SACS: variants seen among roughly 807,000 people sequenced by gnomAD.
SACS encodes sacsin molecular chaperone.
SACS carries 197 observed loss-of-function variants against 348.0 expected under a neutral mutation model. That is an observed-to-expected ratio of 0.57 (90% CI 0.50 to 0.64). The LOEUF (loss-of-function observed/expected upper bound fraction) is 0.64. SACS is among the 30% of genes least tolerant of loss of function. The pLI is 0.00. For missense variants in SACS, 4,999 were observed against 5,360.8 expected (o/e 0.93, Z 2.11); for synonymous variants, 1,985 against 1,910.6 (o/e 1.04, Z -1.02).
Position 23,338,283 on chromosome 13 carries a change from G to A in SACS, c.5593C>T (p.Pro1865Ser). 1.2e-6 allele frequency: 2 copies of A among 1,614,086 alleles called. No homozygotes were observed. The highest frequency in any genetic ancestry group is 2.2e-5 in the East Asian group (1 of 44,888). ...EIQDQKWTVK[P>S]HIGEVFCYLP... The stretch of plus-strand genomic sequence containing the variant: ...TAGCAAAACACCTCTCCAATGTGTG[G>A]TTTCACTGTCCACTTCTGGTCCTGG... The change falls in exon 10 of 10, where the codon CCA becomes TCA. Residue 1865 changes from proline (P) to serine (S), a missense_variant. Physicochemically the swap from Pro to Ser is moderately conservative, Grantham distance 74. This residue lies in a region of SACS where 3,156 missense variants were observed against 3,380.1 expected (regional missense o/e 0.93). Coordinates refer to ENST00000382292, the MANE Select transcript of SACS (RefSeq NM_014363.6).
intron 2 of SACS, among the ~76,000 whole-genome samples, chr13:23,408,604 C>T (rs546147765): frequency 1.3e-5 from 2 of 152,288 alleles, no homozygotes; most frequent in South Asian, 4.1e-4. Flanking sequence ...TCTGAGCATG[C>T]CCCCACCACC....
At chr13:23,371,280 T>G in intron 3 of SACS, 115 bp from the exon 4 acceptor site, 1 of 475,150 alleles carries the variant, frequency 2.1e-6, no homozygotes, top group African/African-American at 2.0e-5. Flanking sequence ...CTTCTTATCA[T>G]GAAGGAAGTT....
rs200350631 is a variant in SACS, at chr13:23,340,108, G to A, written c.3768C>T (p.Tyr1256=). 2.0e-5 allele frequency: 33 copies of A among 1,613,652 alleles called. No homozygotes were observed. The highest frequency in any genetic ancestry group is 8.8e-5 in the South Asian group (8 of 90,986). ...YQFQHILLEI[Y]GFMHDHLNEG... The stretch of plus-strand genomic sequence containing the variant: ...CATTTAGATGATCATGCATGAATCC[G>A]TAAATCTCAAGCAAAATATGCTGGA... Residue 1256 remains tyrosine, a synonymous_variant, in exon 10 of 10, where the codon TAC becomes TAT. Transcript: ENST00000382292.
intron 2 of SACS, among the ~76,000 whole-genome samples, chr13:23,389,170 GTA>G (rs1017779346): frequency 4.6e-5 from 7 of 150,858 alleles, no homozygotes; most frequent in Admixed American, 2.0e-4. Context: ...ATATGTGTGT[GTA>G]TATATATATG....
intron 9 of SACS, among the ~76,000 whole-genome samples, chr13:23,347,811 T>G (rs1869704861): frequency 6.6e-6 from 1 of 152,134 alleles, no homozygotes; most frequent in South Asian, 2.1e-4. Flanking sequence ...GTATCACACC[T>G]GAGGGAGGGA....
chr13:23,359,852 CT>C (rs1457682902), intron 6 of SACS, among the ~76,000 whole-genome samples: 7 of 152,166 alleles, frequency 4.6e-5, no homozygotes, highest in African/African-American at 1.4e-4. Context: ...CCAGAAGCCT[CT>C]CCTCATCCTC....
rs200991790 is a variant in SACS at position 23,333,578 on chromosome 13, G to T, written c.10298C>A (p.Thr3433Lys). ...IGKFGTCYVL[T>K]KSIPSAEVEK... Reference sequence around the variant, plus strand: ...CACTTCAGCTGAAGGGATACTTTTTGTAAGTACGTAGCATGTTCCAAATTT... The same window carrying T: ...CACTTCAGCTGAAGGGATACTTTTTTTAAGTACGTAGCATGTTCCAAATTT... Residue 3433 changes from threonine (T) to lysine (K), a missense_variant, in exon 10 of 10, where the codon ACA becomes AAA. Transcript: ENST00000382292. The T allele has an allele frequency of 6.2e-7, 1 of 1,613,642 alleles. No homozygotes were observed. Among genetic ancestry groups the T allele is most frequent in the East Asian group, 2.2e-5 (1 of 44,868 alleles).
chr13:23,405,844 T>C (rs9510724), intron 2 of SACS, among the ~76,000 whole-genome samples: 13,544 of 152,200 alleles, frequency 0.089, 666 homozygotes, highest in East Asian at 0.13. Flanking sequence ...TGAGATACTG[T>C]CTCATGCCAG....
Position 23,368,420 on chromosome 13 carries a change from T to C in SACS, c.327A>G (p.Glu109=), listed in dbSNP as rs1285304667. 2.5e-6 allele frequency: 4 copies of C among 1,612,312 alleles called. No homozygotes were observed. Among genetic ancestry groups the C allele is most frequent in the Non-Finnish European group, 3.4e-6 (4 of 1,178,896 alleles). The change falls in exon 5 of 10, where the codon GAA becomes GAG. Residue 109 remains glutamate (E), a synonymous_variant. Transcript: ENST00000382292. ...GCCCCACCTTAAGAATCTGTCCTCC[T>C]TCTGGATATCTTCTCAAAATGTCCT... ...FLKDILRRYP[E]GGQILKELIQ...
In SACS at chr13:23,337,161, T is replaced by C; in HGVS notation, c.6715A>G (p.Met2239Val). The C allele has an allele frequency of 1.2e-6, 2 of 1,614,032 alleles. No individual in the cohort carries two copies. The highest frequency in any genetic ancestry group is 1.7e-6 in the Non-Finnish European group (2 of 1,179,912). The change falls in exon 10 of 10, where the codon ATG (methionine) becomes GTG (valine). Residue 2239 changes from methionine (M) to valine (V), a missense_variant. Around this residue, in one of 6 missense-constraint regions of SACS, gnomAD observed 3,156 missense variants for 3,380.1 expected, o/e 0.93. Transcript: ENST00000382292. Reference sequence around the variant, plus strand: ...GTATAAAGGTCAGTTGCTGCAAACATGGTTTCAGGCTTAAAACTGTTGCCT... The same window carrying C: ...GTATAAAGGTCAGTTGCTGCAAACACGGTTTCAGGCTTAAAACTGTTGCCT... ...WKGNSFKPET[M>V]FAATDLYTAE...
intron 2 of SACS, among the ~76,000 whole-genome samples, chr13:23,401,149 C>T (rs1415063817): frequency 2.0e-5 from 3 of 151,956 alleles, no homozygotes; most frequent in Non-Finnish European, 2.9e-5. Flanking sequence ...TTCTAGTTAC[C>T]GTTTTAAAAT....
At chr13:23,389,248 G>A (rs1593168391) in intron 2 of SACS, among the ~76,000 whole-genome samples, 2 of 152,006 alleles carry the variant, frequency 1.3e-5, no homozygotes. Context: ...GTTACAGGAA[G>A]GCTTTAAATA....
At position 23,356,007 on chromosome 13, in the gene SACS, T is replaced by C. The variant is rs777554091; in HGVS notation, c.605A>G (p.Asp202Gly). The change falls in exon 8 of 10, where the codon GAT becomes GGT. Residue 202 changes from aspartate to glycine, a missense_variant and splice_region_variant. Physicochemically the swap from Asp to Gly is moderately conservative, Grantham distance 94. Around this residue, in one of 6 missense-constraint regions of SACS, gnomAD observed 3,156 missense variants for 3,380.1 expected, o/e 0.93. Transcript: ENST00000382292. Reference sequence around the variant, plus strand: ...GTCACCACTAAAGATACAAGGAACATCTGTAAAGAAAAATTTAAGTCATGA... The same window carrying C: ...GTCACCACTAAAGATACAAGGAACACCTGTAAAGAAAAATTTAAGTCATGA... Reference protein sequence around the residue: ...IGFNSVYHITDVPCIFSGDQI... With the variant: ...IGFNSVYHITGVPCIFSGDQI... 3 of 1,611,918 alleles carry C rather than the reference T, an allele frequency of 1.9e-6. No homozygotes were observed. Among genetic ancestry groups the C allele is most frequent in the South Asian group, 1.1e-5 (1 of 90,822 alleles).
Position 23,332,774 on chromosome 13 carries a change from CA to C in SACS, c.11101del (p.Trp3701GlyfsTer14). The C allele has an allele frequency of 6.2e-7, 1 of 1,613,952 alleles. No individual in the cohort carries two copies. The highest frequency in any genetic ancestry group is 8.5e-7 in the Non-Finnish European group (1 of 1,179,966). On this transcript the variant is annotated frameshift_variant, in exon 10 of 10. Coordinates refer to ENST00000382292, the MANE Select transcript of SACS (RefSeq NM_014363.6). LOFTEE classifies it high-confidence loss of function. ...FKQCDVLQLL[W>X]TSCPILPEKA... ...CTCTGGAAGAATAGGGCAGGATGTC[CA>C]TAACAGCTGGAGTACATCACATTGC... is the stretch of plus-strand genomic sequence containing the variant.
intron 1 of SACS, among the ~76,000 whole-genome samples, chr13:23,431,725 T>C (rs1401635872): frequency 6.6e-6 from 1 of 152,218 alleles, no homozygotes; most frequent in Non-Finnish European, 1.5e-5. Flanking sequence ...TATGGCAACA[T>C]GGAAACATCA....
chr13:23,362,148 T>C (rs1438537109), intron 6 of SACS, among the ~76,000 whole-genome samples: 3 of 152,200 alleles, frequency 2.0e-5, no homozygotes, highest in African/African-American at 4.8e-5. Context: ...GCTCCCTCTG[T>C]TAAGTGCTGG....
rs1883560944 is a variant in SACS at position 23,332,619 on chromosome 13, T to C, written c.11257A>G (p.Arg3753Gly). Residue 3753 changes from arginine (R) to glycine (G), a missense_variant, in exon 10 of 10, where the codon AGA becomes GGA. Arg to Gly is a moderately radical substitution (Grantham distance 125). Coordinates refer to ENST00000382292, the MANE Select transcript of SACS (RefSeq NM_014363.6). ...AACGTCGTTATGTTGCATATGTTTCTGCAGTTATTGATTACCTTATCAAGA... is the reference window on the plus strand; with the variant it reads ...AACGTCGTTATGTTGCATATGTTTCCGCAGTTATTGATTACCTTATCAAGA... The part of the protein sequence containing the change: ...PPLDKVINNC[R>G]NICNITTLDE... 1 of 1,613,646 alleles carries C rather than the reference T, an allele frequency of 6.2e-7. No homozygotes were observed. Among genetic ancestry groups the C allele is most frequent in the South Asian group, 1.1e-5 (1 of 91,076 alleles).
In SACS at chr13:23,358,447, G is replaced by A. The variant is rs745849958; in HGVS notation, c.492C>T (p.Phe164=). The change falls in exon 7 of 10, where the codon TTC becomes TTT. Residue 164 remains phenylalanine (F), a synonymous_variant. Coordinates refer to ENST00000382292, the MANE Select transcript of SACS (RefSeq NM_014363.6). ...PALYVYNNAV[F]TPEDWHGIQE... Reference sequence around the variant, plus strand: ...GAATGCCGTGCCAGTCCTCTGGGGTGAAAACCGCGTTGTTGTACACATAGA... The same window carrying A: ...GAATGCCGTGCCAGTCCTCTGGGGTAAAAACCGCGTTGTTGTACACATAGA... 4 of 1,614,066 alleles carry A rather than the reference G, an allele frequency of 2.5e-6. No homozygotes were observed. The highest frequency in any genetic ancestry group is 3.3e-5 in the Admixed American group (2 of 60,000).
At chr13:23,368,120 T>C (rs1871174238) in intron 5 of SACS, among the ~76,000 whole-genome samples, 2 of 152,126 alleles carry the variant, frequency 1.3e-5, no homozygotes, top group Non-Finnish European at 1.5e-5. Flanking sequence ...TGTAAAGCCC[T>C]GCACAATGAT....
Sources: gnomAD v4.1 joint callset for allele counts (sites outside exome capture counted in the v4.1 genomes callset) on GRCh38, gnomAD v4.1.1 for gene constraint, gnomAD v4.1.1 regional missense constraint, MANE v1.5 for transcripts, NCBI Gene and HGNC (gene_info 2026-07-23, HGNC 2026-07-21) for gene names.